The following TDRD9 variants were observed in gnomAD, a reference collection of about 807,000 sequenced individuals.
TDRD9 encodes the protein ATP-dependent RNA helicase TDRD9.
TDRD9 carries 124 observed loss-of-function variants against 172.6 expected under a neutral mutation model. The ratio of observed to expected loss-of-function variants is 0.72; its 90% confidence interval spans 0.62 to 0.83. The LOEUF is 0.83. TDRD9 is among the 40% of genes least tolerant of loss of function. The pLI, the probability that TDRD9 is intolerant of heterozygous loss-of-function variation, is 0.00. For missense variants in TDRD9, 1,479 were observed against 1,714.1 expected (o/e 0.86, Z 2.42); for synonymous variants, 619 against 617.1 (o/e 1.00, Z -0.05).
At position 104,040,342 on chromosome 14, in the gene TDRD9, T is replaced by C; in HGVS notation, c.3855+8T>C. On this transcript the variant is annotated splice_region_variant and intron_variant, in intron 33 of 35. Transcript: ENST00000409874. The stretch of plus-strand genomic sequence containing the variant: ...GTGGAGGATGTCGTCGAGGTAAGGG[T>C]AGTGCAGCATCACGGCACCACAACC... 6.5e-7 allele frequency: 1 copy of C among 1,542,660 alleles called. No individual in the cohort carries two copies.
intron 1 of TDRD9, among the ~76,000 whole-genome samples, chr14:103,951,503 A>G (rs1275143614): frequency 1.3e-5 from 2 of 152,240 alleles, no homozygotes; most frequent in African/African-American, 4.8e-5. Context: ...GTACATAGAA[A>G]GGATATGGCT....
At position 104,026,718 on chromosome 14, in the gene TDRD9, A is replaced by C. The variant is rs1320468430; in HGVS notation, c.3061A>C (p.Lys1021Gln). 1 of 1,614,012 alleles carries C rather than the reference A, an allele frequency of 6.2e-7. No homozygotes were observed. The highest frequency in any genetic ancestry group is 1.7e-5 in the Admixed American group (1 of 60,028). The change falls in exon 28 of 36, where the codon AAG (lysine) becomes CAG (glutamine). Residue 1021 changes from lysine to glutamine, a missense_variant. By Grantham distance (53) the Lys-to-Gln change is moderately conservative. Coordinates refer to ENST00000409874, the MANE Select transcript of TDRD9 (RefSeq NM_153046.3). ...FKICKMRPSAKSLVCGKHWSD... is the reference protein window; with the variant it reads ...FKICKMRPSAQSLVCGKHWSD... Reference sequence around the variant, plus strand: ...GATTTGCAAAATGAGACCATCAGCAAAGTCTCTTGTTTGTGGCAAGCACTG... The same window carrying C: ...GATTTGCAAAATGAGACCATCAGCACAGTCTCTTGTTTGTGGCAAGCACTG...
chr14:103,986,957 A>T (rs1450296729), intron 8 of TDRD9, among the ~76,000 whole-genome samples: 1 of 152,170 alleles, frequency 6.6e-6, no homozygotes, highest in Non-Finnish European at 1.5e-5. Flanking sequence ...CTACTAAAAT[A>T]CAAAAAATTA....
chr14:103,936,707 C>T (rs977674811), intron 1 of TDRD9, among the ~76,000 whole-genome samples: 1 of 152,216 alleles, frequency 6.6e-6, no homozygotes, highest in Non-Finnish European at 1.5e-5. Flanking sequence ...CATAAACCTT[C>T]TATGTTTGGT....
In TDRD9 at chr14:104,025,703, C is replaced by T; in HGVS notation, c.2858C>T (p.Ala953Val). The stretch of plus-strand genomic sequence containing the variant: ...CCACATCCAGACTTGGTCTGTCTGG[C>T]ACCTTTTGCTGATTTTGATAAACAA... ...THPHPDLVCLAPFADFDKQRY... is the reference protein window; with the variant it reads ...THPHPDLVCLVPFADFDKQRY... The change falls in exon 26 of 36, where the codon GCA becomes GTA. Residue 953 changes from alanine (A) to valine (V), a missense_variant. Ala to Val is a moderately conservative substitution (Grantham distance 64). Around this residue, in one of 3 missense-constraint regions of TDRD9, gnomAD observed 1,413 missense variants for 1,649.1 expected, o/e 0.86. Coordinates refer to ENST00000409874, the MANE Select transcript of TDRD9 (RefSeq NM_153046.3). 2 of 1,614,016 alleles carry T rather than the reference C, an allele frequency of 1.2e-6. No individual in the cohort carries two copies. The highest frequency in any genetic ancestry group is 1.7e-6 in the Non-Finnish European group (2 of 1,179,884).
chr14:103,987,482 G>C (rs973260979), intron 8 of TDRD9, among the ~76,000 whole-genome samples: 3 of 152,070 alleles, frequency 2.0e-5, no homozygotes, highest in Non-Finnish European at 4.4e-5. Flanking sequence ...AGTATTTTCT[G>C]ATTTCCATTT....
intron 22 of TDRD9, among the ~76,000 whole-genome samples, chr14:104,016,637 C>G (rs1595990241): frequency 3.3e-5 from 5 of 152,284 alleles, no homozygotes; most frequent in African/African-American, 1.2e-4. Context: ...ATCTAATGAT[C>G]AGCCACAGGC....
chr14:103,932,638 C>T (rs1183126301), intron 1 of TDRD9, among the ~76,000 whole-genome samples: 7 of 151,562 alleles, frequency 4.6e-5, no homozygotes, highest in South Asian at 4.2e-4. Context: ...CTGCCTGCCT[C>T]GGCCTTCCAA....
At chr14:103,943,716 C>T (rs1428654058) in intron 1 of TDRD9, among the ~76,000 whole-genome samples, 5 of 152,024 alleles carry the variant, frequency 3.3e-5, no homozygotes, top group Non-Finnish European at 5.9e-5. Context: ...TCTTTTACTC[C>T]CCAGTTCTCT....
At position 103,997,703 on chromosome 14, in the gene TDRD9, A is replaced by C. The variant is rs2034104443; in HGVS notation, c.1379-921A>C. Among the ~76,000 whole-genome samples the C allele has an allele frequency of 1.3e-5, 2 of 152,336 alleles. No homozygotes were observed. The highest frequency in any genetic ancestry group is 3.9e-4 in the East Asian group (2 of 5,180). ...GGGCAGTAAGAGCAGAGGGGCCTCC[A>C]GGGCAGTGGGAAGAAAGCCAGTGAA... On this transcript the variant is annotated intron_variant, in intron 12 of 35. Coordinates refer to ENST00000409874, the MANE Select transcript of TDRD9 (RefSeq NM_153046.3). This position sits in a 1 kb window ranked among gnomAD's most constrained non-coding sequence, Gnocchi z 5.1.
intron 13 of TDRD9, among the ~76,000 whole-genome samples, chr14:103,999,630 G>T (rs1218386425): frequency 8.3e-4 from 122 of 146,220 alleles, no homozygotes; most frequent in Middle Eastern, 3.5e-3. Flanking sequence ...TTTTTTTTTT[G>T]TTTGTTTTTT....
chr14:104,038,265 A>G lies in TDRD9; in HGVS notation c.3717-1931A>G, dbSNP rs546156537. ...TATCAATTAAAACCTAAAAATTAAT[A>G]TCTACACTTATATGTACCCACAAAA... On this transcript the variant is annotated intron_variant, in intron 32 of 35. Coordinates refer to ENST00000409874, the MANE Select transcript of TDRD9 (RefSeq NM_153046.3). 2.0e-5 allele frequency among the ~76,000 whole-genome samples: 3 copies of G among 152,316 alleles called. No individual in the cohort carries two copies. In the South Asian group the frequency reaches 6.2e-4, roughly 32 times the overall value.
chr14:103,928,685 T>TGGCCCAAGCTCC lies in TDRD9; in HGVS notation c.182_193dup (p.Gln61_Ala64dup). The TGGCCCAAGCTCC allele has an allele frequency of 8.2e-7, 1 of 1,214,652 alleles. No homozygotes were observed. Among genetic ancestry groups the TGGCCCAAGCTCC allele is most frequent in the Non-Finnish European group, 1.0e-6 (1 of 967,712 alleles). 75.2% of individuals were successfully genotyped at this position (1,214,652 alleles called of 1,614,324 possible). A position where few individuals can be genotyped will look rare whatever the true frequency, so the allele number is the denominator to read the frequency against. ...GGTCCCGCGGCCCAGGCTCCGGCTC[T>TGGCCCAAGCTCC]GGCCCAAGCTCCGGCCCGGCCGGCC... is the stretch of plus-strand genomic sequence containing the variant. On this transcript the variant is annotated inframe_insertion, in exon 1 of 36. Transcript: ENST00000409874.
At position 104,004,222 on chromosome 14, in the gene TDRD9, CAT is replaced by C; in HGVS notation, c.1484-15_1484-14del. ...TAATTAATGCCAAACACTGTTTGCA[CAT>C]CTCTCCTTTGAAGGCCGTGCTGGAC... On this transcript the variant is annotated splice_polypyrimidine_tract_variant and intron_variant, in intron 13 of 35. Coordinates refer to ENST00000409874, the MANE Select transcript of TDRD9 (RefSeq NM_153046.3). 7.0e-7 allele frequency: 1 copy of C among 1,427,794 alleles called. No individual in the cohort carries two copies. Among genetic ancestry groups the C allele is most frequent in the East Asian group, 2.3e-5 (1 of 43,586 alleles). 88.4% of individuals were successfully genotyped at this position (1,427,794 alleles called of 1,614,324 possible). A position where few individuals can be genotyped will look rare whatever the true frequency, so the allele number is the denominator to read the frequency against.
intron 28 of TDRD9, among the ~76,000 whole-genome samples, chr14:104,027,551 G>A (rs1382282488): frequency 6.6e-6 from 1 of 152,092 alleles, no homozygotes; most frequent in Non-Finnish European, 1.5e-5. Context: ...GGTTTGAGAG[G>A]CCACTTCTTT....
rs151260615 is a variant in TDRD9, at chr14:103,982,500, C to G, written c.1012-3717C>G. On this transcript the variant is annotated intron_variant, in intron 7 of 35. Coordinates refer to ENST00000409874, the MANE Select transcript of TDRD9 (RefSeq NM_153046.3). ...GCCACTTCGATTCTTGAAACTCACCCTCTCTTTGGGTTCTGTGGTGGCATC... is the reference window on the plus strand; with the variant it reads ...GCCACTTCGATTCTTGAAACTCACCGTCTCTTTGGGTTCTGTGGTGGCATC... Among the ~76,000 whole-genome samples, 817 of 151,736 alleles carry G rather than the reference C, an allele frequency of 5.4e-3. 4 individuals are homozygous for G. Among genetic ancestry groups the G allele is most frequent in the Admixed American group, 0.01 (158 of 15,286 alleles).
At chr14:104,026,261 G>C in intron 27 of TDRD9, 125 bp downstream of exon 27, 3 of 664,870 alleles carry the variant, frequency 4.5e-6, no homozygotes, top group Non-Finnish European at 7.9e-6. Context: ...AGGACAGGGA[G>C]GGACTTGCTT....
At chr14:104,023,031 A>T (rs1301547617) in intron 24 of TDRD9, among the ~76,000 whole-genome samples, 1 of 151,782 alleles carries the variant, frequency 6.6e-6, no homozygotes, top group Admixed American at 6.6e-5. Flanking sequence ...AATACAAAAA[A>T]ATTAGCCGGG....
chr14:103,983,673 T>G (rs1221201708), intron 7 of TDRD9, among the ~76,000 whole-genome samples: 3 of 152,162 alleles, frequency 2.0e-5, no homozygotes, highest in Non-Finnish European at 4.4e-5. Context: ...GGCCTCAGCT[T>G]GGGGAAAGCT....
Sources: allele counts gnomAD v4.1 joint callset (sites outside exome capture counted in the v4.1 genomes callset), GRCh38; gene constraint gnomAD v4.1.1; regional missense constraint gnomAD v4.1.1; non-coding constraint Gnocchi (gnomAD v3.1); transcripts MANE v1.5; gene names NCBI Gene and HGNC (gene_info 2026-07-23, HGNC 2026-07-21).